UNC13A: variants seen among roughly 807,000 people sequenced by gnomAD.
UNC13A encodes protein unc-13 homolog A.
Under a neutral mutation model 219.7 loss-of-function variants are expected in UNC13A, and 61 were observed. The observed-to-expected ratio is 0.28, with a 90% CI of 0.23 to 0.34. The LOEUF (loss-of-function observed/expected upper bound fraction) is 0.34. UNC13A is among the 10% of genes least tolerant of loss of function. The pLI is 1.00. For synonymous variants in UNC13A, 920 were observed against 884.6 expected, an observed-to-expected ratio of 1.04 and a Z score of -0.71; for missense variants, 1,476 against 2,270.3, an observed-to-expected ratio of 0.65 and a Z score of 7.11.
intron 41 of UNC13A, 176 bp from the exon 42 acceptor site, chr19:17,612,031 G>C: frequency 1.8e-6 from 1 of 547,802 alleles, no homozygotes; most frequent in Non-Finnish European, 3.3e-6. Context: ...AGAATCCTGG[G>C]TTCTGGCCTT....
chr19:17,636,458 T>C (rs1207187538), intron 25 of UNC13A, among the ~76,000 whole-genome samples: 1 of 152,188 alleles, frequency 6.6e-6, no homozygotes, highest in Non-Finnish European at 1.5e-5. Flanking sequence ...ATGAAATGAA[T>C]GCAAATTAAG....
At chr19:17,630,047 C>CCAACCT in intron 30 of UNC13A, 98 bp downstream of exon 30, 2 of 1,369,662 alleles carry the variant, frequency 1.5e-6, no homozygotes, top group South Asian at 2.8e-5. Flanking sequence ...ATCACCAACT[C>CCAACCT]CAACCTCAAC....
At chr19:17,618,855 C>T in intron 39 of UNC13A, 51 bp downstream of exon 39, 1 of 1,583,150 alleles carries the variant, frequency 6.3e-7, no homozygotes, top group African/African-American at 1.4e-5. Flanking sequence ...CTGGAAGCCA[C>T]ATGAGTTTGG....
intron 4 of UNC13A, 101 bp downstream of exon 4, chr19:17,672,277 T>G: frequency 4.3e-6 from 4 of 920,734 alleles, no homozygotes; most frequent in Non-Finnish European, 6.8e-6. Context: ...ATTGATGTTG[T>G]CAGGGGATAG....
chr19:17,639,116 A>C lies in UNC13A; in HGVS notation c.3048T>G (p.His1016Gln), dbSNP rs1286038817. 6.2e-7 allele frequency: 1 copy of C among 1,611,836 alleles called. No individual in the cohort carries two copies. The highest frequency in any genetic ancestry group is 2.2e-5 in the East Asian group (1 of 44,846). ...STYEYIFNNCHELYSREYQTD... is the reference protein window; with the variant it reads ...STYEYIFNNCQELYSREYQTD... The stretch of plus-strand genomic sequence containing the variant: ...TCTGGTACTCCCGGCTGTACAGTTC[A>C]TGGCAGTTATTGAAGATGTACTCGT... The change falls in exon 25 of 44, where the codon CAT (histidine) becomes CAG (glutamine). Residue 1016 changes from histidine to glutamine, a missense_variant. His to Gln is a conservative substitution (Grantham distance 24). Coordinates refer to ENST00000519716, the MANE Select transcript of UNC13A (RefSeq NM_001080421.3).
rs2079312091 is a variant in UNC13A, at chr19:17,649,847, G to A, written c.1440-260C>T. Among the ~76,000 whole-genome samples, 1 of 152,164 alleles carries A rather than the reference G, an allele frequency of 6.6e-6. No homozygotes were observed. ...TCTAATATGACTGGTGTCCTTAGAA[G>A]AAGAGATACATGGGGAGAAGGTGGC... On this transcript the variant is annotated intron_variant, in intron 12 of 43. Transcript: ENST00000519716. This position sits in a 1 kb window ranked among gnomAD's most constrained non-coding sequence, Gnocchi z 4.4.
chr19:17,609,752 C>T (rs1466660111), intron 43 of UNC13A, among the ~76,000 whole-genome samples, 188 bp downstream of exon 43: 1 of 152,196 alleles, frequency 6.6e-6, no homozygotes, highest in African/African-American at 2.4e-5. Flanking sequence ...CCTCCATCCT[C>T]GTGTCCCCTC....
intron 11 of UNC13A, 92 bp downstream of exon 11, chr19:17,655,182 A>G: frequency 2.9e-6 from 3 of 1,045,032 alleles, no homozygotes; most frequent in East Asian, 2.6e-5. Flanking sequence ...CGTGGCCAAT[A>G]TAGGTGTGGG....
At position 17,627,707 on chromosome 19, in the gene UNC13A, G is replaced by T. The variant is rs73922170; in HGVS notation, c.3832-110C>A. On this transcript the variant is annotated intron_variant, in intron 32 of 43. Coordinates refer to ENST00000519716, the MANE Select transcript of UNC13A (RefSeq NM_001080421.3). The surrounding 1 kb of genome is among the most constrained non-coding windows in gnomAD (Gnocchi z 4.7). The stretch of plus-strand genomic sequence containing the variant: ...ATCCCAAGGGGCTGCAGGGGAAACT[G>T]AGGCACAGACCGTTATGCTGCAAGC... 6,354 of 1,249,532 alleles carry T rather than the reference G, an allele frequency of 5.1e-3. 216 individuals are homozygous for T. The African/African-American group carries it at 0.081, about 16-fold the overall frequency. 77.4% of individuals were successfully genotyped at this position (1,249,532 alleles called of 1,614,324 possible).
Position 17,622,611 on chromosome 19 carries a change from C to G in UNC13A, c.4204-741G>C, listed in dbSNP as rs2076740145. On this transcript the variant is annotated intron_variant, in intron 36 of 43. Transcript: ENST00000519716. ...CTTGTCTTGCCCACAAAGGGAAAATCTGAAGTTGTTTTGTCTCTGCTCTTA... is the reference window on the plus strand; with the variant it reads ...CTTGTCTTGCCCACAAAGGGAAAATGTGAAGTTGTTTTGTCTCTGCTCTTA... 8 of 153,216 alleles carry G rather than the reference C, an allele frequency of 5.2e-5. No individual in the cohort carries two copies. In the Admixed American group the frequency reaches 5.2e-4, roughly 10 times the overall value. 9.5% of individuals were successfully genotyped at this position (153,216 alleles called of 1,614,324 possible). A position where few individuals can be genotyped will look rare whatever the true frequency, so the allele number is the denominator to read the frequency against.
At position 17,658,106 on chromosome 19, in the gene UNC13A, G is replaced by A; in HGVS notation, c.723C>T (p.Asp241=). ...AGAACTCCTCGTAACTGTGCATGGA[G>A]TCACTGTAGGACTCCCGGGAGCCCA... The part of the protein sequence containing the change: ...PPLGSRESYS[D]SMHSYEEFSE... The change falls in exon 9 of 44, where the codon GAC becomes GAT. Residue 241 remains aspartate, a synonymous_variant. Coordinates refer to ENST00000519716, the MANE Select transcript of UNC13A (RefSeq NM_001080421.3). 1 of 1,613,750 alleles carries A rather than the reference G, an allele frequency of 6.2e-7. No homozygotes were observed.
intron 1 of UNC13A, among the ~76,000 whole-genome samples, chr19:17,676,545 A>G (rs1308381211): frequency 6.6e-6 from 1 of 152,226 alleles, no homozygotes; most frequent in African/African-American, 2.4e-5. Flanking sequence ...GTGGAGAAGA[A>G]GAAGGCGAGG....
rs201556079 is a variant in UNC13A at position 17,656,095 on chromosome 19, G to C, written c.1071C>G (p.Ser357Arg). The C allele has an allele frequency of 1.3e-6, 2 of 1,552,768 alleles. No individual in the cohort carries two copies. Among genetic ancestry groups the C allele is most frequent in the African/African-American group, 1.4e-5 (1 of 73,122 alleles). Residue 357 changes from serine (S) to arginine (R), a missense_variant, in exon 10 of 44, where the codon AGC becomes AGG. Coordinates refer to ENST00000519716, the MANE Select transcript of UNC13A (RefSeq NM_001080421.3). The stretch of plus-strand genomic sequence containing the variant: ...CAGCTACGTCTTCACGCTGGGCATA[G>C]CTGCCCAAATCGTCAGGCACCTCCT... ...EEEEVPDDLG[S>R]YAQREDVAVA...
intron 42 of UNC13A, among the ~76,000 whole-genome samples, chr19:17,611,081 C>T (rs1267979772): frequency 6.6e-6 from 1 of 152,148 alleles, no homozygotes; most frequent in African/African-American, 2.4e-5. Flanking sequence ...GAAAATGCAA[C>T]AAAAGATGGC....
At chr19:17,657,474 C>T (rs901070275) in intron 9 of UNC13A, among the ~76,000 whole-genome samples, 3 of 152,178 alleles carry the variant, frequency 2.0e-5, no homozygotes, top group African/African-American at 7.2e-5. Flanking sequence ...TCAACGTCAA[C>T]AGCAATATCT....
rs554036732 is a variant in UNC13A, at chr19:17,648,852, T to C, written c.1596+60A>G. ...CGGGGACCCACAGAGGCTTGGACAA[T>C]TCCAGAAGCTCCTAGCCCAGTCCAT... On this transcript the variant is annotated intron_variant, in intron 15 of 43. Transcript: ENST00000519716. The C allele has an allele frequency of 1.0e-5, 16 of 1,548,140 alleles. No individual in the cohort carries two copies. In the South Asian group the frequency reaches 1.8e-4, roughly 17 times the overall value.
In UNC13A at chr19:17,656,114, ACCTCCTCCT is replaced by A. The variant is rs747948886; in HGVS notation, c.1043_1051del (p.Glu348_Glu350del). ...GGCATAGCTGCCCAAATCGTCAGGCACCTCCTCCTCCTCCTCCTCCAGCTCCTCCTCATC... is the reference window on the plus strand; with the variant it reads ...GGCATAGCTGCCCAAATCGTCAGGCACCTCCTCCTCCAGCTCCTCCTCATC... On this transcript the variant is annotated inframe_deletion, in exon 10 of 44. Transcript: ENST00000519716. 1.1e-5 allele frequency: 17 copies of A among 1,480,104 alleles called. No individual in the cohort carries two copies. Among genetic ancestry groups the A allele is most frequent in the Non-Finnish European group, 1.6e-5 (17 of 1,090,654 alleles). 91.7% of individuals were successfully genotyped at this position (1,480,104 alleles called of 1,614,324 possible).
In UNC13A at chr19:17,661,363, C is replaced by T. The variant is rs770969261; in HGVS notation, c.559+2169G>A. On this transcript the variant is annotated intron_variant, in intron 8 of 43. Coordinates refer to ENST00000519716, the MANE Select transcript of UNC13A (RefSeq NM_001080421.3). Reference sequence around the variant, plus strand: ...TATGAGGAAGGAGTGAAGGACTCCCCAGTTGAAGGAGAGAGAAGGAGGCAG... The same window carrying T: ...TATGAGGAAGGAGTGAAGGACTCCCTAGTTGAAGGAGAGAGAAGGAGGCAG... 3.3e-5 allele frequency among the ~76,000 whole-genome samples: 5 copies of T among 152,014 alleles called. 1 individual carries two copies. The highest frequency in any genetic ancestry group is 6.6e-5 in the Admixed American group (1 of 15,248).
At position 17,627,791 on chromosome 19, in the gene UNC13A, T is replaced by A; in HGVS notation, c.3831+72A>T. The A allele has an allele frequency of 4.7e-6, 7 of 1,495,236 alleles. No individual in the cohort carries two copies. The highest frequency in any genetic ancestry group is 6.4e-6 in the Non-Finnish European group (7 of 1,096,234). The allele number at this position is 1,495,236 out of a possible 1,614,324, so 92.6% of individuals were successfully genotyped here. A position where few individuals can be genotyped will look rare whatever the true frequency, so the allele number is the denominator to read the frequency against. The stretch of plus-strand genomic sequence containing the variant: ...TCCCCAGGCCTGGTGGCATATGAGC[T>A]CAGGGGCCTGCAGGGACACAGTGGT... On this transcript the variant is annotated intron_variant, in intron 32 of 43. Coordinates refer to ENST00000519716, the MANE Select transcript of UNC13A (RefSeq NM_001080421.3). This position sits in a 1 kb window ranked among gnomAD's most constrained non-coding sequence, Gnocchi z 4.7.
Sources: allele counts gnomAD v4.1 joint callset (sites outside exome capture counted in the v4.1 genomes callset), GRCh38; gene constraint gnomAD v4.1.1; non-coding constraint Gnocchi (gnomAD v3.1); transcripts MANE v1.5; gene names NCBI Gene and HGNC (gene_info 2026-07-23, HGNC 2026-07-21).